The following CAMKMT variants were observed in gnomAD, a reference collection of about 807,000 sequenced individuals.
CAMKMT encodes calmodulin-lysine N-methyltransferase.
A neutral mutation model predicts 48.0 loss-of-function variants in CAMKMT; 53 were observed. The ratio of observed to expected loss-of-function variants is 1.10; its 90% confidence interval spans 0.89 to 1.39. The LOEUF is 1.39. Ranked by LOEUF, CAMKMT falls within the 40% of genes most tolerant of loss-of-function variation. CAMKMT has a pLI of 0.00. For synonymous variants in CAMKMT, 165 were observed against 152.3 expected, an observed-to-expected ratio of 1.08 and a Z score of -0.61; for missense variants, 428 against 402.7, an observed-to-expected ratio of 1.06 and a Z score of -0.54.
At chr2:44,476,089 A>C (rs1411934322) in intron 3 of CAMKMT, among the ~76,000 whole-genome samples, 1 of 152,210 alleles carries the variant, frequency 6.6e-6, no homozygotes, top group East Asian at 1.9e-4. Context: ...ACTTCTTCAT[A>C]ATATATTTAC....
At chr2:44,764,131 C>G (rs868022795) in intron 9 of CAMKMT, among the ~76,000 whole-genome samples, 9 of 151,790 alleles carry the variant, frequency 5.9e-5, no homozygotes, top group African/African-American at 1.7e-4. Context: ...TTGAAAACTG[C>G]CTGAAAATAG....
intron 3 of CAMKMT, among the ~76,000 whole-genome samples, chr2:44,423,369 G>A (rs563123144): frequency 3.9e-5 from 6 of 152,040 alleles, no homozygotes; most frequent in South Asian, 2.1e-4. Context: ...TAGTAGAGAC[G>A]GGGTGTTACC....
At chr2:44,533,081 T>G (rs1045863959) in intron 3 of CAMKMT, among the ~76,000 whole-genome samples, 15 of 152,082 alleles carry the variant, frequency 9.9e-5, no homozygotes, top group Admixed American at 9.8e-4. Flanking sequence ...CCCAAAGTGC[T>G]GGGATTACAG....
chr2:44,705,589 A>T (rs1677510119), intron 4 of CAMKMT: 1 of 956,836 alleles, frequency 1.0e-6, no homozygotes, highest in Non-Finnish European at 1.2e-6. Flanking sequence ...GAGCCGCTTT[A>T]CTTTTGAGCT....
intron 3 of CAMKMT, among the ~76,000 whole-genome samples, chr2:44,414,868 A>G (rs1311865162): frequency 6.6e-6 from 1 of 152,218 alleles, no homozygotes; most frequent in African/African-American, 2.4e-5. Context: ...GAATTTTTAA[A>G]AAATCGGCCA....
intron 3 of CAMKMT, among the ~76,000 whole-genome samples, chr2:44,640,725 TTC>T (rs1460106447): frequency 6.6e-6 from 1 of 152,182 alleles, no homozygotes; most frequent in African/African-American, 2.4e-5. Flanking sequence ...TCAACCAAGT[TTC>T]TTTCCCTAAC....
At chr2:44,665,103 C>T (rs1674890432) in intron 3 of CAMKMT, among the ~76,000 whole-genome samples, 2 of 152,136 alleles carry the variant, frequency 1.3e-5, no homozygotes, top group Admixed American at 6.5e-5. Context: ...CTGAGTCTTG[C>T]TTTGTTGCCC....
intron 3 of CAMKMT, among the ~76,000 whole-genome samples, chr2:44,681,461 G>T (rs1018543726): frequency 6.6e-6 from 1 of 151,676 alleles, no homozygotes; most frequent in Non-Finnish European, 1.5e-5. Context: ...CTTATCCAGT[G>T]TGATTCGGCA....
At chr2:44,581,695 T>A (rs1669573048) in intron 3 of CAMKMT, among the ~76,000 whole-genome samples, 1 of 152,232 alleles carries the variant, frequency 6.6e-6, no homozygotes, top group Non-Finnish European at 1.5e-5. Flanking sequence ...CTGGTGGCTG[T>A]TTTTAAAAAA....
chr2:44,696,544 C>G (rs2104240569), intron 3 of CAMKMT, among the ~76,000 whole-genome samples: 1 of 152,228 alleles, frequency 6.6e-6, no homozygotes, highest in South Asian at 2.1e-4. Flanking sequence ...GAGGTTTATT[C>G]TTTGGAGAGG....
intron 7 of CAMKMT, among the ~76,000 whole-genome samples, chr2:44,721,139 C>T (rs1262128596): frequency 5.3e-5 from 8 of 152,068 alleles, no homozygotes. Flanking sequence ...CCTCCTTTTT[C>T]TCTCTTGTAT....
At chr2:44,638,831 G>A (rs150369158) in intron 3 of CAMKMT, among the ~76,000 whole-genome samples, 2 of 152,328 alleles carry the variant, frequency 1.3e-5, no homozygotes, top group East Asian at 1.9e-4. Flanking sequence ...GCTCCAGCAC[G>A]TGTTGTCAGT....
chr2:44,675,199 A>G (rs1038767388), intron 3 of CAMKMT, among the ~76,000 whole-genome samples: 1 of 152,124 alleles, frequency 6.6e-6, no homozygotes, highest in Admixed American at 6.5e-5. Context: ...TGGAAAAGGA[A>G]TCTGTGTTCC....
At position 44,435,721 on chromosome 2, in the gene CAMKMT, T is replaced by C. The variant is rs1340520287; in HGVS notation, c.376+45416T>C. ...AAATTTACTACTTAAGAAGTGAGAA[T>C]GTTTAATTTTAAGGTTAAGGAAAGT... is the stretch of plus-strand genomic sequence containing the variant. On this transcript the variant is annotated intron_variant, in intron 3 of 10. Transcript: ENST00000378494. Among the ~76,000 whole-genome samples the C allele has an allele frequency of 2.0e-5, 3 of 152,238 alleles. No individual in the cohort carries two copies. In the East Asian group the frequency reaches 5.8e-4, roughly 29 times the overall value.
intron 1 of CAMKMT, among the ~76,000 whole-genome samples, chr2:44,363,625 C>A (rs1678242100): frequency 6.6e-6 from 1 of 151,518 alleles, no homozygotes; most frequent in Non-Finnish European, 1.5e-5. Context: ...GGTGATCCAC[C>A]CACCTCGGCT....
chr2:44,588,228 GCCCCTCCGTCCGGCA>G (rs1670000925), intron 3 of CAMKMT, among the ~76,000 whole-genome samples: 1 of 106,906 alleles, frequency 9.4e-6, no homozygotes, highest in Non-Finnish European at 2.0e-5. Context: ...GAAGTGAGGA[GCCCCTCCGTCCGGCA>G]GCCACCCCGT....
In CAMKMT at chr2:44,542,527, ACACACACACACT is replaced by A. The variant is rs1435741891; in HGVS notation, c.376+152224_376+152235del. On this transcript the variant is annotated intron_variant, in intron 3 of 10. Coordinates refer to ENST00000378494, the MANE Select transcript of CAMKMT (RefSeq NM_024766.5). ...CACACACACACACACACACACACAC[ACACACACACACT>A]CTCTCTCTCTCTCTCTCTTTCTCTC... 2.7e-4 allele frequency among the ~76,000 whole-genome samples: 24 copies of A among 87,510 alleles called. 1 individual carries two copies. Among genetic ancestry groups the A allele is most frequent in the Admixed American group, 4.0e-4 (3 of 7,568 alleles). The allele number at this position is 87,510 out of a possible 152,430, so 57.4% of individuals were successfully genotyped here.
intron 2 of CAMKMT, among the ~76,000 whole-genome samples, chr2:44,375,278 TAA>T (rs1679569964): frequency 1.3e-5 from 2 of 151,770 alleles, no homozygotes; most frequent in African/African-American, 2.4e-5. Flanking sequence ...CTATATTTTT[TAA>T]GTTTGTTTAA....
chr2:44,766,249 T>A (rs975529006), intron 9 of CAMKMT, among the ~76,000 whole-genome samples, 181 bp from the exon 10 acceptor site: 2 of 152,242 alleles, frequency 1.3e-5, no homozygotes, highest in Non-Finnish European at 2.9e-5. Context: ...AATCGATTCT[T>A]ATATGATATA....
Sources: allele counts gnomAD v4.1 joint callset (sites outside exome capture counted in the v4.1 genomes callset), GRCh38; gene constraint gnomAD v4.1.1; transcripts MANE v1.5; gene names NCBI Gene and HGNC (gene_info 2026-07-23, HGNC 2026-07-21).